SORCS3: variants seen among roughly 807,000 people sequenced by gnomAD.
The protein encoded by SORCS3 is sortilin related VPS10 domain containing receptor 3, also known as VPS10 domain-containing receptor SorCS3.
In SORCS3, 57 loss-of-function variants were observed where a neutral mutation model predicts 146.3. That is an observed-to-expected ratio of 0.39 (90% CI 0.31 to 0.49). SORCS3 has a LOEUF of 0.49. SORCS3 is among the 20% of genes least tolerant of loss of function. The pLI is 0.92. For synonymous variants in SORCS3, 653 were observed against 618.5 expected (o/e 1.06, Z -0.83); for missense variants, 1,341 against 1,575.5 (o/e 0.85, Z 2.52).
intron 1 of SORCS3, among the ~76,000 whole-genome samples, chr10:104,713,699 T>A (rs2016445378): frequency 6.6e-6 from 1 of 152,204 alleles, no homozygotes; most frequent in Non-Finnish European, 1.5e-5. Context: ...TTTGCTAATA[T>A]TGGTTGGGGA....
chr10:105,040,186 A>G (rs1564740524), intron 4 of SORCS3, among the ~76,000 whole-genome samples: 2 of 152,208 alleles, frequency 1.3e-5, no homozygotes, highest in African/African-American at 2.4e-5. Flanking sequence ...GCAATAAAAT[A>G]TATGGATATA....
chr10:105,153,999 G>A (rs1351514060), intron 9 of SORCS3, among the ~76,000 whole-genome samples: 1 of 149,788 alleles, frequency 6.7e-6, no homozygotes, highest in Non-Finnish European at 1.5e-5. Flanking sequence ...GAACCCAGGA[G>A]GCAGAGGTTG....
At chr10:104,747,365 T>C (rs1360434377) in intron 1 of SORCS3, among the ~76,000 whole-genome samples, 1 of 152,206 alleles carries the variant, frequency 6.6e-6, no homozygotes, top group African/African-American at 2.4e-5. Context: ...TTGGGAATGC[T>C]GAACAACATG....
At position 104,641,461 on chromosome 10, in the gene SORCS3, G is replaced by A. The variant is rs910479980; in HGVS notation, c.134G>A (p.Arg45His). 87 of 1,466,600 alleles carry A rather than the reference G, an allele frequency of 5.9e-5. 1 individual carries two copies. In the African/African-American group the frequency reaches 1.1e-3, roughly 19 times the overall value. The allele number at this position is 1,466,600 out of a possible 1,614,324, so 90.8% of individuals were successfully genotyped here. Residue 45 changes from arginine to histidine, a missense_variant, in exon 1 of 27, where the codon CGC (arginine) becomes CAC (histidine). Transcript: ENST00000369701. The surrounding 1 kb of genome is among the most constrained non-coding windows in gnomAD (Gnocchi z 6.4). Reference sequence around the variant, plus strand: ...TGGGACGCGACAGGCGGTCCCGGACGCCCGGCGGCCCCGGCTTCGCGGCCA... The same window carrying A: ...TGGGACGCGACAGGCGGTCCCGGACACCCGGCGGCCCCGGCTTCGCGGCCA... ...ITWDATGGPG[R>H]PAAPASRPPA...
chr10:105,167,171 CAA>C, intron 12 of SORCS3, 85 bp from the exon 13 acceptor site: 7 of 1,050,724 alleles, frequency 6.7e-6, no homozygotes, highest in Non-Finnish European at 9.9e-6. Flanking sequence ...CTAGATGAAA[CAA>C]TATATGTGAA....
chr10:104,683,517 G>A (rs1269003052), intron 1 of SORCS3, among the ~76,000 whole-genome samples: 1 of 152,214 alleles, frequency 6.6e-6, no homozygotes, highest in Non-Finnish European at 1.5e-5. Context: ...TTGAGTAAGA[G>A]AGGAGTGACC....
At chr10:105,014,812 C>T (rs1418289094) in intron 4 of SORCS3, among the ~76,000 whole-genome samples, 1 of 152,116 alleles carries the variant, frequency 6.6e-6, no homozygotes, top group African/African-American at 2.4e-5. Flanking sequence ...GATCAAAGTT[C>T]TCCTCTTTTA....
chr10:105,044,004 A>T (rs940164495), intron 5 of SORCS3, among the ~76,000 whole-genome samples: 1 of 152,136 alleles, frequency 6.6e-6, no homozygotes, highest in Non-Finnish European at 1.5e-5. Context: ...AGCAGAAGTG[A>T]TGGCTAAAGG....
chr10:104,786,565 A>AATAATAATAATAATAATC (rs1046603940), intron 1 of SORCS3, among the ~76,000 whole-genome samples: 1 of 148,934 alleles, frequency 6.7e-6, no homozygotes, highest in African/African-American at 2.5e-5. Context: ...TAATAATAAT[A>AATAATAATAATAATAATC]ATAATAATAA....
At chr10:105,235,019 TATCA>T (rs2056785333) in intron 20 of SORCS3, among the ~76,000 whole-genome samples, 1 of 152,112 alleles carries the variant, frequency 6.6e-6, no homozygotes, top group African/African-American at 2.4e-5. Flanking sequence ...GGAAGCTTTT[TATCA>T]ACCTGTGATT....
At chr10:105,024,868 G>A (rs2055217030) in intron 4 of SORCS3, among the ~76,000 whole-genome samples, 2 of 152,184 alleles carry the variant, frequency 1.3e-5, no homozygotes, top group South Asian at 2.1e-4. Context: ...TGCCTGGTAA[G>A]TAACATTTCT....
intron 4 of SORCS3, among the ~76,000 whole-genome samples, chr10:105,000,858 G>A (rs1000630859): frequency 1.3e-5 from 2 of 152,112 alleles, no homozygotes. Context: ...TTTTCCTTAT[G>A]TAGGTATTAT....
At chr10:105,115,151 T>C (rs1797630144) in intron 7 of SORCS3, among the ~76,000 whole-genome samples, 1 of 152,158 alleles carries the variant, frequency 6.6e-6, no homozygotes, top group South Asian at 2.1e-4. Context: ...AAGACCTGGG[T>C]TGTAATCAGG....
At chr10:105,091,612 T>G in intron 6 of SORCS3, among the ~76,000 whole-genome samples, 1 of 151,392 alleles carries the variant, frequency 6.6e-6, no homozygotes, top group Non-Finnish European at 1.5e-5. Flanking sequence ...TAAATAGATG[T>G]AAATCGGTGA....
At chr10:105,046,336 A>G (rs1272846916) in intron 5 of SORCS3, among the ~76,000 whole-genome samples, 1 of 152,054 alleles carries the variant, frequency 6.6e-6, no homozygotes, top group Admixed American at 6.6e-5. Flanking sequence ...TATAAGCTGC[A>G]CATTTGCAAG....
intron 14 of SORCS3, among the ~76,000 whole-genome samples, chr10:105,198,274 C>T (rs892867157): frequency 6.6e-6 from 1 of 152,070 alleles, no homozygotes; most frequent in Non-Finnish European, 1.5e-5. Context: ...TCATTAACAT[C>T]CTGCACTAGT....
chr10:105,156,998 A>G, intron 9 of SORCS3, 140 bp from the exon 10 acceptor site: 1 of 946,770 alleles, frequency 1.1e-6, no homozygotes, highest in Non-Finnish European at 1.6e-6. Flanking sequence ...ATGGCATTCA[A>G]CGTTTCCTAT....
At chr10:104,699,457 G>GGATGGTTTCAAAGAT (rs1199251701) in intron 1 of SORCS3, among the ~76,000 whole-genome samples, 1 of 152,134 alleles carries the variant, frequency 6.6e-6, no homozygotes, top group Admixed American at 6.6e-5. Flanking sequence ...AAGATATCTA[G>GGATGGTTTCAAAGAT]GATGGTTTCA....
At chr10:104,950,120 C>T (rs1435722895) in intron 3 of SORCS3, among the ~76,000 whole-genome samples, 2 of 152,146 alleles carry the variant, frequency 1.3e-5, no homozygotes, top group South Asian at 2.1e-4. Context: ...GAAGAGCAAA[C>T]AGGCCTCTTC....
Sources: gnomAD v4.1 joint callset for allele counts (sites outside exome capture counted in the v4.1 genomes callset) on GRCh38, gnomAD v4.1.1 for gene constraint, Gnocchi (gnomAD v3.1) non-coding constraint, MANE v1.5 for transcripts, NCBI Gene and HGNC (gene_info 2026-07-23, HGNC 2026-07-21) for gene names.